The following SPATA7 variants were observed in gnomAD, a reference collection of about 807,000 sequenced individuals.
SPATA7 encodes spermatogenesis-associated protein 7.
Under a neutral mutation model 51.8 loss-of-function variants are expected in SPATA7, and 43 were observed. The ratio of observed to expected loss-of-function variants is 0.83; its 90% CI spans 0.65 to 1.07. SPATA7 has a LOEUF of 1.07. Ranked by LOEUF, SPATA7 falls within the 50% of genes least tolerant of loss-of-function variation. SPATA7 has a pLI of 0.00. For synonymous variants in SPATA7, 230 were observed against 252.8 expected (o/e 0.91, Z 0.86); for missense variants, 683 against 701.3 (o/e 0.97, Z 0.30).
intron 2 of SPATA7, among the ~76,000 whole-genome samples, chr14:88,393,036 A>G (rs1016770): frequency 0.041 from 6,269 of 152,186 alleles, 174 homozygotes; most frequent in South Asian, 0.1. Context: ...TCCGTTGATT[A>G]AGTATTAACA....
chr14:88,390,987 A>G (rs1399355417), intron 1 of SPATA7, among the ~76,000 whole-genome samples: 2 of 152,008 alleles, frequency 1.3e-5, no homozygotes, highest in East Asian at 1.9e-4. Context: ...GTTTTAATCT[A>G]TTCTGACAAG....
chr14:88,460,105 T>A (rs1004400248), downstream of SPATA7, among the ~76,000 whole-genome samples: 2 of 152,230 alleles, frequency 1.3e-5, no homozygotes, highest in Non-Finnish European at 2.9e-5. Flanking sequence ...CTTCCCTTTG[T>A]GGGTAACCCG....
intron 4 of SPATA7, among the ~76,000 whole-genome samples, chr14:88,397,479 C>CA (rs1435837256): frequency 6.6e-6 from 1 of 151,746 alleles, no homozygotes; most frequent in Non-Finnish European, 1.5e-5. Flanking sequence ...CCTGTCTCTT[C>CA]AAAAAATACA....
intron 10 of SPATA7, among the ~76,000 whole-genome samples, chr14:88,436,195 C>T (rs897034838): frequency 1.3e-5 from 2 of 152,144 alleles, no homozygotes; most frequent in East Asian, 1.9e-4. Flanking sequence ...ATATTCCTGT[C>T]TACAATTCGT....
chr14:88,393,643 A>G, intron 3 of SPATA7, 155 bp downstream of exon 3: 1 of 591,102 alleles, frequency 1.7e-6, no homozygotes, highest in Non-Finnish European at 3.0e-6. Context: ...GACTCTAGGT[A>G]CTTAGCAAAT....
At chr14:88,416,422 T>C (rs1433870376) in intron 4 of SPATA7, 4 of 187,678 alleles carry the variant, frequency 2.1e-5, no homozygotes, top group Non-Finnish European at 4.3e-5. Flanking sequence ...TTTTTTTTTT[T>C]TTTTTTTTGG....
At chr14:88,394,918 G>A (rs527866798) in intron 3 of SPATA7, among the ~76,000 whole-genome samples, 1 of 152,004 alleles carries the variant, frequency 6.6e-6, no homozygotes, top group South Asian at 2.1e-4. Context: ...TATCTTCTTT[G>A]GTGAAATGAC....
At chr14:88,466,508 TG>T (rs1411081745) in intron 4 of SPATA7, 1 of 152,054 alleles carries the variant, frequency 6.6e-6, no homozygotes, top group East Asian at 1.9e-4. Context: ...CCTAGAATAG[TG>T]TAATTTGGGA....
chr14:88,468,738 C>G (rs1161828068), intron 4 of SPATA7, among the ~76,000 whole-genome samples: 1 of 152,146 alleles, frequency 6.6e-6, no homozygotes, highest in African/African-American at 2.4e-5. Flanking sequence ...CTTTAATATG[C>G]TAATTGGTAC....
At chr14:88,431,117 A>T (rs188413736) in intron 8 of SPATA7, 55 bp from the exon 9 acceptor site, 6 of 1,418,098 alleles carry the variant, frequency 4.2e-6, no homozygotes, top group Admixed American at 1.7e-5. Flanking sequence ...GTTATTGAGT[A>T]CTTATTGTAT....
downstream of SPATA7, among the ~76,000 whole-genome samples, chr14:88,440,096 C>T (rs1347031347): frequency 6.6e-6 from 1 of 152,026 alleles, no homozygotes; most frequent in African/African-American, 2.4e-5. Context: ...TTCTTCAGTC[C>T]CAGCCTCACT....
chr14:88,390,793 T>G (rs2075723985), intron 1 of SPATA7, among the ~76,000 whole-genome samples: 1 of 152,190 alleles, frequency 6.6e-6, no homozygotes, highest in African/African-American at 2.4e-5. Context: ...TATTTTTTCT[T>G]ATGTTTAGGT....
chr14:88,420,466 C>A (rs1165566490), intron 5 of SPATA7, among the ~76,000 whole-genome samples: 1 of 152,082 alleles, frequency 6.6e-6, no homozygotes, highest in East Asian at 1.9e-4. Flanking sequence ...CATTAATGTG[C>A]AGATCGTTCA....
chr14:88,443,138 T>C (rs1244175356), downstream of SPATA7, among the ~76,000 whole-genome samples: 1 of 152,108 alleles, frequency 6.6e-6, no homozygotes, highest in Non-Finnish European at 1.5e-5. Flanking sequence ...AGAGACATGG[T>C]TTCACCATGT....
intron 4 of SPATA7, among the ~76,000 whole-genome samples, chr14:88,414,217 T>TA (rs2076415881): frequency 6.6e-6 from 1 of 152,158 alleles, no homozygotes; most frequent in Non-Finnish European, 1.5e-5. Context: ...AGGTTTTTTT[T>TA]ATTACTGGTT....
downstream of SPATA7, among the ~76,000 whole-genome samples, chr14:88,459,720 G>C (rs965574686): frequency 3.9e-5 from 6 of 152,220 alleles, no homozygotes; most frequent in South Asian, 1.2e-3. Flanking sequence ...TTACATTTAA[G>C]GTTAATATTG....
At chr14:88,408,031 T>C (rs902621259) in intron 4 of SPATA7, among the ~76,000 whole-genome samples, 4 of 152,186 alleles carry the variant, frequency 2.6e-5, no homozygotes, top group African/African-American at 9.7e-5. Context: ...TAGTTTGAAG[T>C]CAGGTAGTGT....
intron 1 of SPATA7, among the ~76,000 whole-genome samples, chr14:88,387,752 CT>C (rs1400534943): frequency 6.6e-6 from 1 of 152,106 alleles, no homozygotes; most frequent in African/African-American, 2.4e-5. Flanking sequence ...CTGTACGTCC[CT>C]GGGCCTCAGT....
intron 4 of SPATA7, among the ~76,000 whole-genome samples, chr14:88,462,368 A>C (rs1253129566): frequency 2.0e-5 from 3 of 152,256 alleles, no homozygotes; most frequent in African/African-American, 7.2e-5. Context: ...TACTAAAAAA[A>C]TTGAGGCCTG....
Sources: allele counts gnomAD v4.1 joint callset (sites outside exome capture counted in the v4.1 genomes callset), GRCh38; gene constraint gnomAD v4.1.1; transcripts MANE v1.5; gene names NCBI Gene and HGNC (gene_info 2026-07-23, HGNC 2026-07-21).